SLTM: variants seen among roughly 807,000 people sequenced by gnomAD.
SLTM encodes the protein SAFB like transcription modulator.
SLTM carries 43 observed loss-of-function variants against 134.6 expected under a neutral mutation model. The ratio of observed to expected loss-of-function variants is 0.32; its 90% CI spans 0.25 to 0.41. SLTM has a LOEUF of 0.41. Ranked by LOEUF, SLTM falls within the 10% of genes least tolerant of loss-of-function variation. The probability of loss-of-function intolerance (pLI) is 1.00; values close to 1 mark genes in which losing one functional copy is unlikely to be tolerated. For synonymous variants in SLTM, 424 were observed against 432.3 expected, an observed-to-expected ratio of 0.98 and a Z score of 0.24; for missense variants, 1,055 against 1,288.8, an observed-to-expected ratio of 0.82 and a Z score of 2.78.
chr15:58,930,029 A>G (rs2141251604), intron 2 of SLTM, among the ~76,000 whole-genome samples: 1 of 152,336 alleles, frequency 6.6e-6, no homozygotes, highest in East Asian at 1.9e-4. Flanking sequence ...GATTTTCATA[A>G]CAATGATAGC....
chr15:58,917,042 C>T, intron 2 of SLTM, 43 bp from the exon 3 acceptor site: 1 of 1,573,414 alleles, frequency 6.4e-7, no homozygotes, highest in Non-Finnish European at 8.7e-7. Context: ...TATTTTATTA[C>T]TTTAAGAACA....
intron 2 of SLTM, among the ~76,000 whole-genome samples, chr15:58,930,849 TAA>T (rs1423191005): frequency 1.3e-5 from 2 of 151,380 alleles, no homozygotes; most frequent in Middle Eastern, 3.2e-3. Context: ...TTTCTAATAA[TAA>T]GAGATAAATG....
intron 19 of SLTM, among the ~76,000 whole-genome samples, chr15:58,885,038 A>T (rs1181121543): frequency 6.6e-6 from 1 of 152,250 alleles, no homozygotes. Flanking sequence ...ACAGCCAGAG[A>T]TCAAAACCTT....
Position 58,880,013 on chromosome 15 carries a change from G to C in SLTM, c.3091C>G (p.Pro1031Ala), listed in dbSNP as rs2033566771. ...SGFKPFKGGPPRRF is the reference protein window; with the variant it reads ...SGFKPFKGGPARRF The stretch of plus-strand genomic sequence containing the variant: ...AGAGCTCATTTTCAGAATCGTCGCG[G>C]AGGTCCACCCTTAAATGGCTTAAAT... Residue 1031 changes from proline (P) to alanine (A), a missense_variant, in exon 21 of 21, where the codon CCG (proline) becomes GCG (alanine). Physicochemically the swap from Pro to Ala is conservative, Grantham distance 27 (BLOSUM62 -1). Around this residue, in one of 3 missense-constraint regions of SLTM, gnomAD observed 776 missense variants for 962.2 expected, o/e 0.81. Transcript: ENST00000380516. The C allele has an allele frequency of 3.1e-6, 5 of 1,613,614 alleles. No individual in the cohort carries two copies. Among genetic ancestry groups the C allele is most frequent in the Admixed American group, 1.7e-5 (1 of 59,926 alleles).
At chr15:58,922,675 TATATA>T (rs1408345914) in intron 2 of SLTM, among the ~76,000 whole-genome samples, 4 of 147,512 alleles carry the variant, frequency 2.7e-5, no homozygotes, top group African/African-American at 9.9e-5. Flanking sequence ...ATATATAAAA[TATATA>T]ATATAAAACC....
chr15:58,892,551 T>C (rs1351299403), intron 14 of SLTM, among the ~76,000 whole-genome samples: 10 of 152,212 alleles, frequency 6.6e-5, no homozygotes, highest in Non-Finnish European at 1.2e-4. Flanking sequence ...GGAAAGAGCA[T>C]TGGACTTGGA....
At chr15:58,919,652 T>C (rs759998758) in intron 2 of SLTM, among the ~76,000 whole-genome samples, 47 of 151,962 alleles carry the variant, frequency 3.1e-4, no homozygotes, top group South Asian at 1.9e-3. Flanking sequence ...AACCAAAACA[T>C]CAAATCCTCT....
chr15:58,916,645 A>G (rs1320126109), intron 3 of SLTM: 4 of 235,722 alleles, frequency 1.7e-5, no homozygotes, highest in Non-Finnish European at 2.5e-5. Flanking sequence ...ACTAACATGT[A>G]TATCAATTGT....
chr15:58,891,201 T>C (rs550617104), intron 14 of SLTM, among the ~76,000 whole-genome samples: 3 of 152,330 alleles, frequency 2.0e-5, no homozygotes, highest in Admixed American at 1.3e-4. Flanking sequence ...TTTTTAATTA[T>C]CACAATGACC....
intron 2 of SLTM, among the ~76,000 whole-genome samples, chr15:58,926,835 A>G (rs778184239): frequency 6.6e-6 from 1 of 152,104 alleles, no homozygotes; most frequent in East Asian, 1.9e-4. Context: ...GCTAGTCTCG[A>G]ACTCCTGACC....
chr15:58,882,390 C>A (rs1046708679), intron 20 of SLTM, among the ~76,000 whole-genome samples: 1 of 152,062 alleles, frequency 6.6e-6, no homozygotes, highest in Non-Finnish European at 1.5e-5. Context: ...AAAGCACTTA[C>A]ATGGCAGTGG....
intron 2 of SLTM, among the ~76,000 whole-genome samples, chr15:58,923,666 C>T (rs936654598): frequency 6.6e-6 from 1 of 152,124 alleles, no homozygotes; most frequent in Admixed American, 6.6e-5. Context: ...TATTAAAGCT[C>T]CTACAGCAAA....
chr15:58,894,667 CTA>C, intron 9 of SLTM, 85 bp from the exon 10 acceptor site: 1 of 1,205,876 alleles, frequency 8.3e-7, no homozygotes, highest in South Asian at 1.3e-5. Context: ...ACAACTGAAA[CTA>C]TATATTAATT....
chr15:58,880,329 G>T (rs1774152617), intron 20 of SLTM, among the ~76,000 whole-genome samples: 1 of 152,210 alleles, frequency 6.6e-6, no homozygotes, highest in Non-Finnish European at 1.5e-5. Context: ...GTGAAGCAGA[G>T]ATTTGAACTT....
intron 14 of SLTM, among the ~76,000 whole-genome samples, chr15:58,891,037 GT>G (rs1343073513): frequency 1.3e-5 from 2 of 152,108 alleles, no homozygotes; most frequent in Non-Finnish European, 2.9e-5. Context: ...TAGTTCAATT[GT>G]TCACTGAACT....
Position 58,893,886 on chromosome 15 carries a change from T to C in SLTM, c.1583A>G (p.Asn528Ser). 6.2e-7 allele frequency: 1 copy of C among 1,613,430 alleles called. No homozygotes were observed. The change falls in exon 12 of 21, where the codon AAT becomes AGT. Residue 528 changes from asparagine to serine, a missense_variant. Around this residue, in one of 3 missense-constraint regions of SLTM, gnomAD observed 776 missense variants for 962.2 expected, o/e 0.81. Transcript: ENST00000380516. ...TKKIEGKDEK[N>S]DNGASGQTSE... ...TGTTTGGCCACTTGCTCCATTATCATTCTTCTCATCTTTACCTTCTATTTT... is the reference window on the plus strand; with the variant it reads ...TGTTTGGCCACTTGCTCCATTATCACTCTTCTCATCTTTACCTTCTATTTT...
At chr15:58,915,168 G>GC (rs2036541561) in intron 3 of SLTM, among the ~76,000 whole-genome samples, 1 of 151,802 alleles carries the variant, frequency 6.6e-6, no homozygotes, top group Non-Finnish European at 1.5e-5. Context: ...TCCAGCCTGG[G>GC]CAACAGGGCG....
intron 2 of SLTM, among the ~76,000 whole-genome samples, chr15:58,925,745 A>C (rs1229183859): frequency 6.6e-6 from 1 of 152,232 alleles, no homozygotes; most frequent in Non-Finnish European, 1.5e-5. Flanking sequence ...AATTATCTAA[A>C]GATGAACAGA....
chr15:58,930,416 C>G (rs2037793960), intron 2 of SLTM, among the ~76,000 whole-genome samples: 1 of 151,944 alleles, frequency 6.6e-6, no homozygotes, highest in African/African-American at 2.4e-5. Flanking sequence ...AGGCGTGAGC[C>G]ACTGCACCCG....
Sources: gnomAD v4.1 joint callset for allele counts (sites outside exome capture counted in the v4.1 genomes callset) on GRCh38, gnomAD v4.1.1 for gene constraint, gnomAD v4.1.1 regional missense constraint, MANE v1.5 for transcripts, NCBI Gene and HGNC (gene_info 2026-07-23, HGNC 2026-07-21) for gene names.